Variants in ADAM9 observed in about 807,000 individuals in gnomAD.
ADAM9 encodes ADAM metallopeptidase domain 9.
A neutral mutation model predicts 108.1 loss-of-function variants in ADAM9; 54 were observed. The observed-to-expected ratio is 0.50, with a 90% CI of 0.40 to 0.63. The LOEUF is 0.63. Among genes scored for constraint, ADAM9 ranks in the 20% least tolerant of loss-of-function variants. The pLI, the probability that ADAM9 is intolerant of heterozygous loss-of-function variation, is 0.00. For missense variants in ADAM9, 830 were observed against 997.7 expected (o/e 0.83, Z 2.26); for synonymous variants, 316 against 336.0 (o/e 0.94, Z 0.65).
chr8:39,020,717 G>C (rs1343298992), intron 7 of ADAM9, among the ~76,000 whole-genome samples: 1 of 152,078 alleles, frequency 6.6e-6, no homozygotes. Flanking sequence ...GTGCTGATCT[G>C]TAACCAATCT....
chr8:39,063,974 A>G (rs1156642932), intron 14 of ADAM9, among the ~76,000 whole-genome samples: 2 of 152,210 alleles, frequency 1.3e-5, no homozygotes, highest in African/African-American at 4.8e-5. Flanking sequence ...TTTAGGGCAC[A>G]CACAGAAAAT....
intron 2 of ADAM9, among the ~76,000 whole-genome samples, chr8:39,010,561 C>T (rs544299704): frequency 1.3e-5 from 2 of 152,306 alleles, no homozygotes; most frequent in African/African-American, 4.8e-5. Flanking sequence ...TGTCGAGTCC[C>T]TCCATGACTT....
At chr8:39,074,299 T>A (rs909697224) in intron 15 of ADAM9, among the ~76,000 whole-genome samples, 1 of 152,196 alleles carries the variant, frequency 6.6e-6, no homozygotes, top group African/African-American at 2.4e-5. Context: ...AAATGTTTCC[T>A]TTCACTAAAA....
chr8:39,088,238 G>A (rs1839236042), intron 18 of ADAM9, among the ~76,000 whole-genome samples: 1 of 135,090 alleles, frequency 7.4e-6, no homozygotes, highest in Non-Finnish European at 1.7e-5. Context: ...TTTTCAGTTG[G>A]GATAAATATT....
At chr8:39,000,390 A>T (rs60677208) in intron 1 of ADAM9, among the ~76,000 whole-genome samples, 31,387 of 151,710 alleles carry the variant, frequency 0.21, 3,780 homozygotes, top group East Asian at 0.55. Context: ...TTTATTTTCC[A>T]TTTCATGTTG....
At position 39,071,400 on chromosome 8, in the gene ADAM9, C is replaced by T; in HGVS notation, c.1694C>T (p.Thr565Ile). 1 of 1,610,798 alleles carries T rather than the reference C, an allele frequency of 6.2e-7. No homozygotes were observed. The change falls in exon 15 of 22, where the codon ACT (threonine) becomes ATT (isoleucine). Residue 565 changes from threonine (T) to isoleucine (I), a missense_variant. Transcript: ENST00000487273. ...FSGNEYKKCA[T>I]GNALCGKLQC... Reference sequence around the variant, plus strand: ...GGCAATGAATACAAGAAGTGTGCCACTGGGTAAGTGGAGGTGCGGTCATAA... The same window carrying T: ...GGCAATGAATACAAGAAGTGTGCCATTGGGTAAGTGGAGGTGCGGTCATAA...
At chr8:39,049,425 C>T (rs2129437767) in intron 12 of ADAM9, among the ~76,000 whole-genome samples, 1 of 151,304 alleles carries the variant, frequency 6.6e-6, no homozygotes, top group African/African-American at 2.4e-5. Context: ...GTGTATCTTC[C>T]AACATATTTT....
intron 14 of ADAM9, among the ~76,000 whole-genome samples, chr8:39,056,125 A>G (rs1838115429): frequency 6.6e-6 from 1 of 152,156 alleles, no homozygotes; most frequent in Non-Finnish European, 1.5e-5. Flanking sequence ...TTTATATTAT[A>G]GTACATTAAA....
chr8:39,020,176 C>T (rs1008903516), intron 7 of ADAM9, among the ~76,000 whole-genome samples: 8 of 152,012 alleles, frequency 5.3e-5, no homozygotes, highest in Non-Finnish European at 1.0e-4. Context: ...TCCCAGAACC[C>T]GGGAGGCGGA....
chr8:39,101,840 CCTT>C lies in ADAM9; in HGVS notation c.2299-22_2299-20del. On this transcript the variant is annotated intron_variant, in intron 20 of 21. Transcript: ENST00000487273. ...ATTTATGAGCACATAGTGGTAATAA[CCTT>C]ATTTTTTTTTTCTTTTTAGCCTATA... 1 of 1,579,984 alleles carries C rather than the reference CCTT, an allele frequency of 6.3e-7. No homozygotes were observed. Among genetic ancestry groups the C allele is most frequent in the East Asian group, 2.2e-5 (1 of 44,694 alleles).
chr8:39,071,236 T>G (rs1327158274), intron 14 of ADAM9, 62 bp from the exon 15 acceptor site: 2 of 1,520,322 alleles, frequency 1.3e-6, no homozygotes, highest in Non-Finnish European at 1.8e-6. Flanking sequence ...GGGAATACTT[T>G]TATTTCAAAA....
At position 39,103,958 on chromosome 8, in the gene ADAM9, G is replaced by C; in HGVS notation, c.*258G>C. 1 of 631,712 alleles carries C rather than the reference G, an allele frequency of 1.6e-6. No individual in the cohort carries two copies. The highest frequency in any genetic ancestry group is 2.9e-6 in the Non-Finnish European group (1 of 342,376). 39.1% of individuals were successfully genotyped at this position (631,712 alleles called of 1,614,324 possible). On this transcript the variant is annotated 3_prime_UTR_variant, in exon 22 of 22. Coordinates refer to ENST00000487273, the MANE Select transcript of ADAM9 (RefSeq NM_003816.3). Reference sequence around the variant, plus strand: ...TAAGTCTTATTCAGTCATCGGTGAGGTTAATGCACTAATCATGGATTTTTT... The same window carrying C: ...TAAGTCTTATTCAGTCATCGGTGAGCTTAATGCACTAATCATGGATTTTTT...
chr8:39,090,231 C>T, intron 19 of ADAM9, 43 bp downstream of exon 19: 15 of 1,498,114 alleles, frequency 1.0e-5, no homozygotes, highest in Non-Finnish European at 1.4e-5. Flanking sequence ...TAAATATATA[C>T]ATACATTTTC....
rs1837419269 is a variant in ADAM9, at chr8:39,040,286, C to T, written c.1131-1660C>T. On this transcript the variant is annotated intron_variant, in intron 11 of 21. Transcript: ENST00000487273. Reference sequence around the variant, plus strand: ...CTGGTCTGGAACTCCTGACCTCAAGCGATCCGCCCGCCTCAGCCTCCCAAA... The same window carrying T: ...CTGGTCTGGAACTCCTGACCTCAAGTGATCCGCCCGCCTCAGCCTCCCAAA... Among the ~76,000 whole-genome samples, 4 of 152,156 alleles carry T rather than the reference C, an allele frequency of 2.6e-5. 1 individual carries two copies. In the South Asian group the frequency reaches 6.2e-4, roughly 24 times the overall value.
intron 12 of ADAM9, among the ~76,000 whole-genome samples, chr8:39,045,809 T>C (rs1435089228): frequency 6.6e-6 from 1 of 152,164 alleles, no homozygotes; most frequent in Non-Finnish European, 1.5e-5. Flanking sequence ...CCATAGAGGT[T>C]GAACTAATTT....
chr8:39,024,511 G>C (rs1253451309), intron 9 of ADAM9, among the ~76,000 whole-genome samples: 1 of 152,190 alleles, frequency 6.6e-6, no homozygotes, highest in East Asian at 1.9e-4. Context: ...GAAGCCTTGA[G>C]TCCATGAGTG....
In ADAM9 at chr8:39,105,127, C is replaced by T. The variant is rs528747245; in HGVS notation, c.*1427C>T. On this transcript the variant is annotated 3_prime_UTR_variant, in exon 22 of 22. Coordinates refer to ENST00000487273, the MANE Select transcript of ADAM9 (RefSeq NM_003816.3). ...TATCTCACTAATTTTCAGACTTTTG[C>T]CAAAGTGTGCACAATGGCTTTTTGT... 15 of 405,372 alleles carry T rather than the reference C, an allele frequency of 3.7e-5. No individual in the cohort carries two copies. Among genetic ancestry groups the T allele is most frequent in the South Asian group, 2.6e-4 (14 of 53,874 alleles). The allele number at this position is 405,372 out of a possible 1,614,324, so 25.1% of individuals were successfully genotyped here.
chr8:39,042,154 C>G, intron 12 of ADAM9, 37 bp downstream of exon 12: 1 of 1,610,770 alleles, frequency 6.2e-7, no homozygotes. Flanking sequence ...TGTAAAATTG[C>G]CATGATATTT....
intron 8 of ADAM9, among the ~76,000 whole-genome samples, chr8:39,022,901 C>T (rs963046003): frequency 2.8e-4 from 42 of 152,014 alleles, no homozygotes; most frequent in African/African-American, 8.9e-4. Flanking sequence ...TTAGTAGAGA[C>T]GGGATTTCAC....
Sources: allele counts gnomAD v4.1 joint callset (sites outside exome capture counted in the v4.1 genomes callset), GRCh38; gene constraint gnomAD v4.1.1; transcripts MANE v1.5; gene names NCBI Gene and HGNC (gene_info 2026-07-23, HGNC 2026-07-21).